Variants in ATXN3 observed in about 807,000 individuals in gnomAD.
ATXN3 encodes the protein ataxin 3.
In ATXN3, 28 loss-of-function variants were observed where a neutral mutation model predicts 58.2. The observed-to-expected ratio is 0.48, with a 90% CI of 0.36 to 0.66. The LOEUF is 0.66. Ranked by LOEUF, ATXN3 falls within the 30% of genes least tolerant of loss-of-function variation. The pLI is 0.00. For missense variants in ATXN3, 321 were observed against 422.1 expected, an observed-to-expected ratio of 0.76 and a Z score of 2.10; for synonymous variants, 113 against 138.5, an observed-to-expected ratio of 0.82 and a Z score of 1.29.
Position 92,083,223 on chromosome 14 carries a change from C to G in ATXN3, c.511G>C (p.Asp171His). Residue 171 changes from aspartate to histidine, a missense_variant, in exon 7 of 11, where the codon GAT becomes CAT. Asp to His is a moderately conservative substitution (Grantham distance 81). Around this residue, in one of 2 missense-constraint regions of ATXN3, gnomAD observed 200 missense variants for 223.2 expected, o/e 0.90. Transcript: ENST00000644486. ...SIFVVKGDLPDCEADQLLQMI... is the reference protein window; with the variant it reads ...SIFVVKGDLPHCEADQLLQMI... Reference sequence around the variant, plus strand: ...TGCAGGAGTTGGTCAGCTTCGCAATCTGGCAGATCACCCTTAACGACAAAT... The same window carrying G: ...TGCAGGAGTTGGTCAGCTTCGCAATGTGGCAGATCACCCTTAACGACAAAT... The G allele has an allele frequency of 6.2e-7, 1 of 1,613,534 alleles. No homozygotes were observed. Among genetic ancestry groups the G allele is most frequent in the Non-Finnish European group, 8.5e-7 (1 of 1,179,862 alleles).
chr14:92,072,692 GT>G (rs1291329131), intron 9 of ATXN3, among the ~76,000 whole-genome samples: 2 of 95,114 alleles, frequency 2.1e-5, no homozygotes, highest in Non-Finnish European at 3.8e-5. Flanking sequence ...GAAGCTATAG[GT>G]TAAAAAAAAA....
At chr14:92,093,364 A>G in intron 4 of ATXN3, 46 bp from the exon 5 acceptor site, 4 of 969,736 alleles carry the variant, frequency 4.1e-6, no homozygotes, top group Non-Finnish European at 6.2e-6. Flanking sequence ...TTGAATTCAT[A>G]TTTATGTTGT....
At chr14:92,082,100 T>C (rs546330910) in intron 8 of ATXN3, among the ~76,000 whole-genome samples, 200 bp downstream of exon 8, 11 of 152,310 alleles carry the variant, frequency 7.2e-5, no homozygotes, top group Non-Finnish European at 1.6e-4. Context: ...GGAGTAAAAA[T>C]ATAACTACTC....
At chr14:92,068,251 A>C (rs1036126147) in intron 10 of ATXN3, among the ~76,000 whole-genome samples, 3 of 152,190 alleles carry the variant, frequency 2.0e-5, no homozygotes, top group African/African-American at 7.2e-5. Flanking sequence ...GGGAAAGGGG[A>C]GAAGTGTACC....
At chr14:92,089,136 C>G (rs2063206809) in intron 5 of ATXN3, among the ~76,000 whole-genome samples, 1 of 151,412 alleles carries the variant, frequency 6.6e-6, no homozygotes, top group Non-Finnish European at 1.5e-5. Flanking sequence ...CCTGCCTCAG[C>G]CTCCCAAGTA....
intron 10 of ATXN3, among the ~76,000 whole-genome samples, chr14:92,066,601 GTTTTTTTTTTTTT>G (rs66941473): frequency 1.9e-5 from 2 of 107,022 alleles, no homozygotes; most frequent in Non-Finnish European, 3.7e-5. Context: ...TTTTTTTCTT[GTTTTTTTTTTTTT>G]TTTTTTTTTT....
chr14:92,079,185 C>CAAAAA (rs35515547), intron 9 of ATXN3, among the ~76,000 whole-genome samples: 19 of 76,998 alleles, frequency 2.5e-4, no homozygotes, highest in African/African-American at 5.8e-4. Flanking sequence ...GACTCCATCT[C>CAAAAA]AAAAAAAAAA....
At chr14:92,088,673 C>T in intron 6 of ATXN3, 57 bp downstream of exon 6, 1 of 1,210,932 alleles carries the variant, frequency 8.3e-7, no homozygotes, top group Non-Finnish European at 1.2e-6. Flanking sequence ...ATCTAATGTG[C>T]CTGGTTATTT....
rs75734689 is a variant in ATXN3, at chr14:92,076,474, G to C, written c.872+4491C>G. On this transcript the variant is annotated intron_variant, in intron 9 of 10. Transcript: ENST00000644486. Reference sequence around the variant, plus strand: ...AAAAAAGAAAAAAAAAAAAAAAAAAGCTCAATTTGTTGGAAGTTTCATATT... The same window carrying C: ...AAAAAAGAAAAAAAAAAAAAAAAAACCTCAATTTGTTGGAAGTTTCATATT... Among the ~76,000 whole-genome samples, 3 of 139,488 alleles carry C rather than the reference G, an allele frequency of 2.2e-5. No individual in the cohort carries two copies. The South Asian group carries it at 6.9e-4, about 32-fold the overall frequency. 91.5% of individuals were successfully genotyped at this position (139,488 alleles called of 152,430 possible).
upstream of ATXN3, chr14:92,050,199 T>C (rs1190689195): frequency 6.6e-6 from 1 of 151,682 alleles, no homozygotes; most frequent in African/African-American, 2.4e-5. Flanking sequence ...GTGTGTATAA[T>C]AGAGGTGGGA....
chr14:92,095,803 G>A (rs2065066540), intron 3 of ATXN3, among the ~76,000 whole-genome samples: 1 of 151,908 alleles, frequency 6.6e-6, no homozygotes, highest in African/African-American at 2.4e-5. Context: ...ATTAACTGGT[G>A]TGGTGGCGGG....
At position 92,093,392 on chromosome 14, in the gene ATXN3, A is replaced by G. The variant is rs548504120; in HGVS notation, c.321-74T>C. The G allele has an allele frequency of 4.5e-5, 34 of 763,974 alleles. No individual in the cohort carries two copies. In the East Asian group the frequency reaches 9.8e-4, roughly 22 times the overall value. The allele number at this position is 763,974 out of a possible 1,614,324, so 47.3% of individuals were successfully genotyped here. A position where few individuals can be genotyped will look rare whatever the true frequency, so the allele number is the denominator to read the frequency against. On this transcript the variant is annotated intron_variant, in intron 4 of 10. Transcript: ENST00000644486. ...TATGTTGTCTACTGGCAAATATTATATAAAATTTGTGATAATTTAAGATTA... is the reference window on the plus strand; with the variant it reads ...TATGTTGTCTACTGGCAAATATTATGTAAAATTTGTGATAATTTAAGATTA...
At chr14:92,048,364 G>A (rs2057436452) in intron 1 of ATXN3, among the ~76,000 whole-genome samples, 2 of 152,202 alleles carry the variant, frequency 1.3e-5, no homozygotes, top group South Asian at 2.1e-4. Context: ...TGTTAATTAA[G>A]TCCTGTTGTG....
chr14:92,081,119 C>T, intron 8 of ATXN3, 58 bp from the exon 9 acceptor site: 1 of 1,204,618 alleles, frequency 8.3e-7, no homozygotes, highest in Non-Finnish European at 1.2e-6. Flanking sequence ...ATTCAAGCAA[C>T]AATATGTTTG....
intron 6 of ATXN3, 86 bp downstream of exon 6, chr14:92,088,644 A>G: frequency 2.1e-6 from 2 of 968,812 alleles, no homozygotes; most frequent in South Asian, 2.9e-5. Flanking sequence ...TGCCAGAAAA[A>G]CAGTTTTATC....
In ATXN3 at chr14:92,064,259, T is replaced by C. The variant is rs1454738390; in HGVS notation, c.*61A>G. 8.1e-7 allele frequency: 1 copy of C among 1,239,074 alleles called. No homozygotes were observed. Among genetic ancestry groups the C allele is most frequent in the African/African-American group, 1.5e-5 (1 of 66,290 alleles). The allele number at this position is 1,239,074 out of a possible 1,614,324, so 76.8% of individuals were successfully genotyped here. On this transcript the variant is annotated 3_prime_UTR_variant, in exon 11 of 11. Coordinates refer to ENST00000644486, the MANE Select transcript of ATXN3 (RefSeq NM_004993.6). ...TGACACATTACCAAAGTGGACCCTATGCTGTAATCACACAGGATAATGTTG... is the reference window on the plus strand; with the variant it reads ...TGACACATTACCAAAGTGGACCCTACGCTGTAATCACACAGGATAATGTTG...
downstream of ATXN3, among the ~76,000 whole-genome samples, chr14:92,053,680 G>A (rs1380809031): frequency 1.3e-5 from 2 of 151,742 alleles, no homozygotes; most frequent in Non-Finnish European, 2.9e-5. Flanking sequence ...TTTATTTCTT[G>A]TAGAGATGAG....
intron 10 of ATXN3, among the ~76,000 whole-genome samples, chr14:92,070,451 C>T (rs1161485828): frequency 1.3e-5 from 2 of 151,972 alleles, no homozygotes; most frequent in Admixed American, 6.6e-5. Flanking sequence ...ATGTGGCGGG[C>T]GCCTGTAGTC....
At chr14:92,067,807 G>A (rs10140720) in intron 10 of ATXN3, among the ~76,000 whole-genome samples, 43,711 of 151,992 alleles carry the variant, frequency 0.29, 6,656 homozygotes, top group East Asian at 0.44. Context: ...ACTGGCAACA[G>A]GGAAAAGGGA....
Sources: allele counts gnomAD v4.1 joint callset (sites outside exome capture counted in the v4.1 genomes callset), GRCh38; gene constraint gnomAD v4.1.1; regional missense constraint gnomAD v4.1.1; transcripts MANE v1.5; gene names NCBI Gene and HGNC (gene_info 2026-07-23, HGNC 2026-07-21).